GTF2A2: variants seen among roughly 807,000 people sequenced by gnomAD.
GTF2A2 encodes general transcription factor IIA subunit 2, also known as transcription initiation factor IIA subunit 2.
In GTF2A2, 9 loss-of-function variants were observed where a neutral mutation model predicts 14.3. That is an observed-to-expected ratio of 0.63 (90% confidence interval 0.38 to 1.10). GTF2A2 has a LOEUF of 1.10. GTF2A2 is among the 50% of genes least tolerant of loss of function. The probability of loss-of-function intolerance (pLI) is 0.01; values close to 1 mark genes in which losing one functional copy is unlikely to be tolerated. For missense variants in GTF2A2, 90 were observed against 124.6 expected, an observed-to-expected ratio of 0.72 and a Z score of 1.32; for synonymous variants, 56 against 46.0, an observed-to-expected ratio of 1.22 and a Z score of -0.88.
chr15:59,640,336 C>T (rs755597336), intron 4 of GTF2A2: 1 of 152,138 alleles, frequency 6.6e-6, no homozygotes, highest in Non-Finnish European at 1.5e-5. Context: ...TACATGGATT[C>T]TTTGATATTA....
intron 3 of GTF2A2, among the ~76,000 whole-genome samples, chr15:59,645,966 G>A (rs1009847375): frequency 2.0e-5 from 3 of 151,410 alleles, no homozygotes; most frequent in Non-Finnish European, 2.9e-5. Context: ...CCCAGGAGGC[G>A]GGGGTCACAG....
At chr15:59,640,374 CTTTA>C (rs1214822463) in intron 4 of GTF2A2, 1 of 152,154 alleles carries the variant, frequency 6.6e-6, no homozygotes, top group Non-Finnish European at 1.5e-5. Context: ...TGTTCAGAGG[CTTTA>C]TTTACTGATT....
intron 3 of GTF2A2, among the ~76,000 whole-genome samples, chr15:59,645,399 T>C (rs1392624936): frequency 6.6e-6 from 1 of 151,220 alleles, no homozygotes; most frequent in Non-Finnish European, 1.5e-5. Context: ...TACAGAGGAG[T>C]CTGAGAGCAA....
rs550101610 is a variant in GTF2A2, at chr15:59,647,910, C to CGT, written c.177+2758_177+2759insAC. Among the ~76,000 whole-genome samples, 17 of 152,238 alleles carry CGT rather than the reference C, an allele frequency of 1.1e-4. No homozygotes were observed. In the East Asian group the frequency reaches 2.9e-3, roughly 26 times the overall value. Reference sequence around the variant, plus strand: ...AAAGTTATATAATAAATGTTTGTTACAGAAACATCAAAAAACAGGGAAAAG... The same window carrying CGT: ...AAAGTTATATAATAAATGTTTGTTACGTAGAAACATCAAAAAACAGGGAAAAG... On this transcript the variant is annotated intron_variant, in intron 3 of 4. Coordinates refer to ENST00000396060, the MANE Select transcript of GTF2A2 (RefSeq NM_004492.3).
intron 3 of GTF2A2, among the ~76,000 whole-genome samples, chr15:59,644,728 G>C (rs140857807): frequency 0.01 from 1,548 of 152,304 alleles, 9 homozygotes; most frequent in Middle Eastern, 0.017. Flanking sequence ...AGAGTCAATG[G>C]AGAGGAGGGA....
At chr15:59,649,614 T>C (rs1471560230) in intron 3 of GTF2A2, among the ~76,000 whole-genome samples, 1 of 152,240 alleles carries the variant, frequency 6.6e-6, no homozygotes, top group South Asian at 2.1e-4. Context: ...GGTCAAATTA[T>C]ACAGTCTTGA....
At chr15:59,645,485 T>C (rs1425994189) in intron 3 of GTF2A2, among the ~76,000 whole-genome samples, 4 of 152,082 alleles carry the variant, frequency 2.6e-5, no homozygotes, top group Non-Finnish European at 4.4e-5. Context: ...CAATCATCAA[T>C]AGCACTACAA....
Position 59,638,174 on chromosome 15 carries a change from G to GATTACTTACAGGT in GTF2A2, c.*945_*957dup, listed in dbSNP as rs1315717309. ...CAGTCTCAGCCTCCTAAAGTACTGGGATTACTTACAGGTGTGAGCCACCAG... is the reference window on the plus strand; with the variant it reads ...CAGTCTCAGCCTCCTAAAGTACTGGGATTACTTACAGGTATTACTTACAGGTGTGAGCCACCAG... On this transcript the variant is annotated 3_prime_UTR_variant, in exon 5 of 5. Transcript: ENST00000396060. 1 of 152,128 alleles carries GATTACTTACAGGT rather than the reference G, an allele frequency of 6.6e-6. No individual in the cohort carries two copies. The highest frequency in any genetic ancestry group is 1.5e-5 in the Non-Finnish European group (1 of 68,028). The allele number at this position is 152,128 out of a possible 1,614,324, so 9.4% of individuals were successfully genotyped here. A position where few individuals can be genotyped will look rare whatever the true frequency, so the allele number is the denominator to read the frequency against.
chr15:59,652,867 T>C (rs372447590), intron 1 of GTF2A2: 6 of 152,346 alleles, frequency 3.9e-5, no homozygotes, highest in African/African-American at 1.4e-4. Flanking sequence ...GGGATAAAGA[T>C]ACAAAGCATA....
rs141722135 is a variant in GTF2A2, at chr15:59,639,521, C to T, written c.305-364G>A. Among the ~76,000 whole-genome samples the T allele has an allele frequency of 1.5e-3, 218 of 144,984 alleles. 3 individuals are homozygous for T. The highest frequency in any genetic ancestry group is 7.7e-3 in the Middle Eastern group (2 of 260). On this transcript the variant is annotated intron_variant, in intron 4 of 4. Coordinates refer to ENST00000396060, the MANE Select transcript of GTF2A2 (RefSeq NM_004492.3). ...TGTTGCCCAGGCTGGAGTGCAGTGG[C>T]GTGATCTTGGCTCACTGCAGGCTCT...
At chr15:59,647,486 C>T (rs190180605) in intron 3 of GTF2A2, among the ~76,000 whole-genome samples, 4 of 152,162 alleles carry the variant, frequency 2.6e-5, no homozygotes, top group Admixed American at 6.5e-5. Flanking sequence ...TCAAATATTA[C>T]TTTTAACACT....
chr15:59,638,371 C>T lies in GTF2A2; in HGVS notation c.*761G>A, dbSNP rs1441437403. The T allele has an allele frequency of 1.3e-5, 2 of 152,138 alleles. No individual in the cohort carries two copies. Among genetic ancestry groups the T allele is most frequent in the African/African-American group, 4.8e-5 (2 of 41,416 alleles). 9.4% of individuals were successfully genotyped at this position (152,138 alleles called of 1,614,324 possible). On this transcript the variant is annotated 3_prime_UTR_variant, in exon 5 of 5. Transcript: ENST00000396060. Reference sequence around the variant, plus strand: ...GGGTCAGTATGTTACTTCTGTATTTCTGCAAGCACAATCCACTGACATAAA... The same window carrying T: ...GGGTCAGTATGTTACTTCTGTATTTTTGCAAGCACAATCCACTGACATAAA...
chr15:59,645,507 G>T (rs1891574476), intron 3 of GTF2A2, among the ~76,000 whole-genome samples: 1 of 152,210 alleles, frequency 6.6e-6, no homozygotes, highest in Non-Finnish European at 1.5e-5. Flanking sequence ...TGATGCATTA[G>T]ATTTAGCAAA....
chr15:59,639,512 G>C (rs1007731758), intron 4 of GTF2A2, among the ~76,000 whole-genome samples: 3 of 149,740 alleles, frequency 2.0e-5, no homozygotes, highest in South Asian at 2.1e-4. Context: ...CCAGGCTGGA[G>C]TGCAGTGGCG....
intron 3 of GTF2A2, among the ~76,000 whole-genome samples, chr15:59,650,190 T>C (rs1471918163): frequency 1.3e-5 from 2 of 152,198 alleles, no homozygotes; most frequent in East Asian, 1.9e-4. Flanking sequence ...GCTACCAGAA[T>C]AGACTGTTAT....
chr15:59,642,381 AT>A, intron 3 of GTF2A2, 119 bp from the exon 4 acceptor site: 2 of 826,798 alleles, frequency 2.4e-6, no homozygotes, highest in Non-Finnish European at 3.5e-6. Context: ...TTAGCTTAAG[AT>A]TTTCCTTAAC....
At chr15:59,639,783 CTG>C (rs1891336041) in intron 4 of GTF2A2, among the ~76,000 whole-genome samples, 1 of 142,090 alleles carries the variant, frequency 7.0e-6, no homozygotes, top group Non-Finnish European at 1.5e-5. Context: ...CAGAGTCACA[CTG>C]TGTTGCCCAG....
At chr15:59,647,305 C>G (rs1351075341) in intron 3 of GTF2A2, among the ~76,000 whole-genome samples, 1 of 152,024 alleles carries the variant, frequency 6.6e-6, no homozygotes, top group Non-Finnish European at 1.5e-5. Flanking sequence ...CACTATATTT[C>G]GCAGACTGCT....
At chr15:59,640,298 G>T (rs1891366806) in intron 4 of GTF2A2, 1 of 152,110 alleles carries the variant, frequency 6.6e-6, no homozygotes, top group Non-Finnish European at 1.5e-5. Context: ...TACCAGACAG[G>T]AGCTCCTATC....
Sources: allele counts gnomAD v4.1 joint callset (sites outside exome capture counted in the v4.1 genomes callset), GRCh38; gene constraint gnomAD v4.1.1; transcripts MANE v1.5; gene names NCBI Gene and HGNC (gene_info 2026-07-23, HGNC 2026-07-21).